The following KAZN variants were observed in gnomAD, a reference collection of about 807,000 sequenced individuals.
KAZN encodes kazrin, periplakin interacting protein.
KAZN carries 40 observed loss-of-function variants against 87.4 expected under a neutral mutation model. That is an observed-to-expected ratio of 0.46 (90% CI 0.36 to 0.60). The LOEUF (loss-of-function observed/expected upper bound fraction) is 0.60, where lower values mean the gene tolerates loss of function less well. Among genes scored for constraint, KAZN ranks in the 20% least tolerant of loss-of-function variants. The pLI, the probability that KAZN is intolerant of heterozygous loss-of-function variation, is 0.00. For missense variants in KAZN, 898 were observed against 1,073.9 expected (o/e 0.84, Z 2.29); for synonymous variants, 466 against 458.3 (o/e 1.02, Z -0.22).
intron 1 of KAZN, among the ~76,000 whole-genome samples, chr1:14,131,516 G>T (rs1281652170): frequency 6.6e-6 from 1 of 152,006 alleles, no homozygotes; most frequent in African/African-American, 2.4e-5. Context: ...TTAGATATAT[G>T]TTTTATTGTG....
intron 1 of KAZN, among the ~76,000 whole-genome samples, chr1:14,810,953 A>C (rs1384337460): frequency 1.3e-5 from 2 of 152,238 alleles, no homozygotes; most frequent in African/African-American, 4.8e-5. Context: ...TAGGACATCC[A>C]AGGCCCTAGA....
intron 1 of KAZN, among the ~76,000 whole-genome samples, chr1:13,914,644 T>C (rs1227339031): frequency 6.6e-6 from 1 of 152,176 alleles, no homozygotes; most frequent in Admixed American, 6.5e-5. Flanking sequence ...AGCCACACTG[T>C]GAGAGGGCCC....
At chr1:14,578,482 C>T (rs566963600) in intron 2 of KAZN, among the ~76,000 whole-genome samples, 1 of 152,020 alleles carries the variant, frequency 6.6e-6, no homozygotes, top group African/African-American at 2.4e-5. Flanking sequence ...AAAAAGCAAT[C>T]AGAAAAATTT....
intron 2 of KAZN, among the ~76,000 whole-genome samples, chr1:14,558,611 T>C (rs139795716): frequency 2.5e-3 from 387 of 152,306 alleles, no homozygotes; most frequent in African/African-American, 9.2e-3. Context: ...AGGGGGAGTC[T>C]CAGAGAATAT....
rs143722298 is a variant in KAZN at position 14,285,733 on chromosome 1, T to C, written c.249+105141T>C. On this transcript the variant is annotated intron_variant, in intron 2 of 16. Coordinates refer to the KAZN transcript ENST00000636203. ...TCACCATTTGGAAATTCTTAATAGT[T>C]CTTGAGCCAAGGTGCCTTCATATTC... Among the ~76,000 whole-genome samples, 606 of 152,296 alleles carry C rather than the reference T, an allele frequency of 4.0e-3. 2 individuals carry two copies. Among genetic ancestry groups the C allele is most frequent in the South Asian group, 0.011 (54 of 4,810 alleles).
chr1:14,718,965 T>C (rs1340904620), intron 1 of KAZN, among the ~76,000 whole-genome samples: 3 of 152,154 alleles, frequency 2.0e-5, no homozygotes, highest in Non-Finnish European at 2.9e-5. Flanking sequence ...ATTTTTCAAC[T>C]TCACAGTCTG....
chr1:14,501,088 TAAATAAATAAATA>T (rs1442179459), intron 2 of KAZN, among the ~76,000 whole-genome samples: 1 of 22,016 alleles, frequency 4.5e-5, no homozygotes, highest in Non-Finnish European at 9.5e-5. Context: ...AAAAAATAAA[TAAATAAATAAATA>T]AATAAATAAA....
chr1:14,860,365 T>A (rs1572669527), intron 1 of KAZN, among the ~76,000 whole-genome samples: 1 of 152,244 alleles, frequency 6.6e-6, no homozygotes, highest in East Asian at 1.9e-4. Context: ...CTAACTTTTG[T>A]ATTTTTAGTA....
intron 2 of KAZN, among the ~76,000 whole-genome samples, chr1:14,390,249 A>G (rs1662300851): frequency 6.6e-6 from 1 of 152,200 alleles, no homozygotes; most frequent in Non-Finnish European, 1.5e-5. Context: ...TAAAACATAC[A>G]AAAAACAGGC....
chr1:14,190,095 G>C (rs1384446269), intron 2 of KAZN, among the ~76,000 whole-genome samples: 1 of 152,126 alleles, frequency 6.6e-6, no homozygotes, highest in Non-Finnish European at 1.5e-5. Flanking sequence ...TGAACTGGGA[G>C]AAGTGTAGGC....
At chr1:14,686,197 T>C (rs1640941271) in intron 1 of KAZN, among the ~76,000 whole-genome samples, 1 of 152,162 alleles carries the variant, frequency 6.6e-6, no homozygotes, top group Non-Finnish European at 1.5e-5. Context: ...GCCTCCCGAG[T>C]AGCTGGACTA....
At chr1:14,479,777 G>C (rs946247814) in intron 2 of KAZN, among the ~76,000 whole-genome samples, 1 of 152,144 alleles carries the variant, frequency 6.6e-6, no homozygotes, top group African/African-American at 2.4e-5. Context: ...GGGAGGACCT[G>C]GGACGTGGGA....
intron 1 of KAZN, among the ~76,000 whole-genome samples, chr1:14,839,948 C>T (rs1647750063): frequency 6.6e-6 from 1 of 152,108 alleles, no homozygotes; most frequent in Admixed American, 6.5e-5. Flanking sequence ...GCCAAATGGT[C>T]TCTGTCCTGC....
At chr1:14,802,616 G>C (rs1307539250) in intron 1 of KAZN, among the ~76,000 whole-genome samples, 2 of 152,122 alleles carry the variant, frequency 1.3e-5, no homozygotes, top group Non-Finnish European at 2.9e-5. Flanking sequence ...GCCGTCTCGG[G>C]GCTGGGAAAC....
chr1:13,910,923 C>A (rs1011009123), intron 1 of KAZN, among the ~76,000 whole-genome samples: 1 of 152,006 alleles, frequency 6.6e-6, no homozygotes, highest in Middle Eastern at 3.4e-3. Context: ...GGAAGCATGG[C>A]GTCTTCTGTT....
intron 1 of KAZN, among the ~76,000 whole-genome samples, chr1:13,927,699 G>A (rs935142815): frequency 6.6e-6 from 1 of 151,844 alleles, no homozygotes; most frequent in South Asian, 2.1e-4. Flanking sequence ...CCTGCCCCAA[G>A]AAGCTTGCAT....
intron 1 of KAZN, among the ~76,000 whole-genome samples, chr1:14,861,513 AT>A (rs1333132633): frequency 2.6e-5 from 4 of 152,162 alleles, no homozygotes; most frequent in Non-Finnish European, 5.9e-5. Context: ...TTCTCCACTA[AT>A]GTTTGTTACT....
rs951677276 is a variant in KAZN, at chr1:15,094,723, G to A, written c.1429-92G>A. ...TGTATGAAAGGTGGGCAGGAGATGG[G>A]GAAGGAGCCCCATGTCAACAGACCC... On this transcript the variant is annotated intron_variant, in intron 9 of 14. Coordinates refer to ENST00000376030, the MANE Select transcript of KAZN (RefSeq NM_201628.3). The surrounding 1 kb of genome is among the most constrained non-coding windows in gnomAD (Gnocchi z 4.5). The A allele has an allele frequency of 8.4e-5, 75 of 888,726 alleles. No individual in the cohort carries two copies. Among genetic ancestry groups the A allele is most frequent in the Non-Finnish European group, 1.2e-4 (70 of 574,012 alleles). 55.1% of individuals were successfully genotyped at this position (888,726 alleles called of 1,614,324 possible).
At position 14,471,256 on chromosome 1, in the gene KAZN, TA is replaced by T. The variant is rs202069776; in HGVS notation, c.250-127725del. Reference sequence around the variant, plus strand: ...AATACGGCTGGCTATCATTCTTGATTAAGGATTTGCCTCTATAATTATAATT... The same window carrying T: ...AATACGGCTGGCTATCATTCTTGATTAGGATTTGCCTCTATAATTATAATT... On this transcript the variant is annotated intron_variant, in intron 2 of 16. Coordinates refer to the KAZN transcript ENST00000636203. Among the ~76,000 whole-genome samples, 5 of 152,338 alleles carry T rather than the reference TA, an allele frequency of 3.3e-5. No homozygotes were observed. In the East Asian group the frequency reaches 9.6e-4, roughly 29 times the overall value.
Sources: gnomAD v4.1 joint callset for allele counts (sites outside exome capture counted in the v4.1 genomes callset) on GRCh38, gnomAD v4.1.1 for gene constraint, Gnocchi (gnomAD v3.1) non-coding constraint, MANE v1.5 for transcripts, NCBI Gene and HGNC (gene_info 2026-07-23, HGNC 2026-07-21) for gene names.